The following RBFOX1 variants were observed in gnomAD, a reference collection of about 807,000 sequenced individuals.
RBFOX1 encodes the protein RNA binding protein fox-1 homolog 1.
In RBFOX1, 8 loss-of-function variants were observed where a neutral mutation model predicts 57.7. The ratio of observed to expected loss-of-function variants is 0.14; its 90% CI spans 0.08 to 0.25. RBFOX1 has a LOEUF of 0.25. Ranked by LOEUF, RBFOX1 falls within the 10% of genes least tolerant of loss-of-function variation. RBFOX1 has a pLI of 1.00. For missense variants in RBFOX1, 611 were observed against 548.5 expected (o/e 1.11, Z -1.14); for synonymous variants, 326 against 222.4 (o/e 1.47, Z -4.15).
At chr16:6,808,094 C>T (rs1222360246) in intron 3 of RBFOX1, among the ~76,000 whole-genome samples, 1 of 146,200 alleles carries the variant, frequency 6.8e-6, no homozygotes, top group Non-Finnish European at 1.5e-5. Context: ...CTCAATAGAA[C>T]TAGATATATA....
At chr16:5,879,314 C>G (rs140747325) in intron 4 of RBFOX1, among the ~76,000 whole-genome samples, 13 of 152,172 alleles carry the variant, frequency 8.5e-5, no homozygotes, top group African/African-American at 2.9e-4. Flanking sequence ...CTCCTCAGAT[C>G]GTATTTGGAC....
chr16:5,387,759 C>A (rs141848954), intron 1 of RBFOX1, among the ~76,000 whole-genome samples: 8 of 152,278 alleles, frequency 5.3e-5, no homozygotes, highest in African/African-American at 1.9e-4. Context: ...ATGTTACGTT[C>A]CATGGCAAAG....
At chr16:7,261,793 C>T (rs1415540984) in intron 4 of RBFOX1, among the ~76,000 whole-genome samples, 2 of 152,280 alleles carry the variant, frequency 1.3e-5, no homozygotes, top group South Asian at 2.1e-4. Flanking sequence ...CACTAAGAAT[C>T]CCCTGGAGAG....
intron 1 of RBFOX1, among the ~76,000 whole-genome samples, chr16:6,247,236 C>T (rs1016018189): frequency 1.3e-5 from 2 of 152,156 alleles, no homozygotes; most frequent in African/African-American, 2.4e-5. Context: ...CCTTGTCTCC[C>T]AGGATCTTGC....
intron 1 of RBFOX1, among the ~76,000 whole-genome samples, chr16:6,022,305 G>T (rs1171843374): frequency 6.6e-6 from 1 of 150,780 alleles, no homozygotes; most frequent in African/African-American, 2.4e-5. Context: ...AGAATATTTT[G>T]AAAACACAAG....
chr16:7,040,997 C>T (rs565179704), intron 3 of RBFOX1, among the ~76,000 whole-genome samples: 71 of 151,262 alleles, frequency 4.7e-4, no homozygotes, highest in Non-Finnish European at 9.1e-4. Context: ...CTCATTGCAA[C>T]GTCCACCTCC....
chr16:6,186,107 C>A lies in RBFOX1; in HGVS notation c.-126-130888C>A, dbSNP rs557327765. On this transcript the variant is annotated intron_variant, in intron 1 of 15. Coordinates refer to ENST00000550418, the MANE Select transcript of RBFOX1 (RefSeq NM_018723.4). ...ATATTTTTTTCTGACATGATTATAT[C>A]TGTATATGAATTCATTTTTTTGGCT... Among the ~76,000 whole-genome samples, 152 of 152,222 alleles carry A rather than the reference C, an allele frequency of 1.0e-3. 1 individual carries two copies. The highest frequency in any genetic ancestry group is 1.8e-3 in the Admixed American group (28 of 15,284).
chr16:7,558,145 G>C (rs1462199087), intron 5 of RBFOX1, among the ~76,000 whole-genome samples: 1 of 152,088 alleles, frequency 6.6e-6, no homozygotes, highest in South Asian at 2.1e-4. Context: ...CTGGAACCCA[G>C]GAGTTCAAGA....
At chr16:5,939,045 G>C (rs2059227469) in intron 4 of RBFOX1, among the ~76,000 whole-genome samples, 3 of 151,820 alleles carry the variant, frequency 2.0e-5, no homozygotes, top group Admixed American at 2.0e-4. Flanking sequence ...TGAACAATGA[G>C]AACACTTGGA....
intron 4 of RBFOX1, among the ~76,000 whole-genome samples, chr16:5,988,241 A>G (rs1416702357): frequency 6.6e-6 from 1 of 152,172 alleles, no homozygotes; most frequent in African/African-American, 2.4e-5. Context: ...CCCCTCACTA[A>G]TATCCATGAT....
intron 1 of RBFOX1, among the ~76,000 whole-genome samples, chr16:6,228,981 C>A (rs1051225218): frequency 1.2e-4 from 18 of 151,860 alleles, no homozygotes; most frequent in African/African-American, 4.4e-4. Context: ...AAGTTCTTGG[C>A]GTTTATATTA....
intron 4 of RBFOX1, among the ~76,000 whole-genome samples, chr16:7,279,105 G>A (rs1323465070): frequency 4.1e-5 from 6 of 145,078 alleles, no homozygotes; most frequent in Admixed American, 1.4e-4. Context: ...TTTTTTTAAT[G>A]TACATTTTCT....
chr16:5,578,298 C>T (rs904214781), intron 2 of RBFOX1, among the ~76,000 whole-genome samples: 7 of 152,106 alleles, frequency 4.6e-5, no homozygotes, highest in Admixed American at 2.0e-4. Context: ...CCTCATTCAT[C>T]AGGAGGCACC....
chr16:7,380,884 G>C (rs2097772338), intron 4 of RBFOX1, among the ~76,000 whole-genome samples: 1 of 152,204 alleles, frequency 6.6e-6, no homozygotes, highest in Admixed American at 6.5e-5. Context: ...TGTTTTTCAA[G>C]AATCGCAGGC....
chr16:6,919,915 A>G (rs1026579844), intron 3 of RBFOX1, among the ~76,000 whole-genome samples: 1 of 151,862 alleles, frequency 6.6e-6, no homozygotes, highest in African/African-American at 2.4e-5. Flanking sequence ...CCAGTGTGTC[A>G]TCTTTTATCC....
intron 3 of RBFOX1, among the ~76,000 whole-genome samples, chr16:6,920,791 G>A (rs2074290303): frequency 6.6e-6 from 1 of 152,124 alleles, no homozygotes; most frequent in Non-Finnish European, 1.5e-5. Context: ...CCTCCTCTTA[G>A]GAGAACATCC....
At chr16:6,537,438 C>T (rs2096750468) in intron 2 of RBFOX1, among the ~76,000 whole-genome samples, 1 of 152,174 alleles carries the variant, frequency 6.6e-6, no homozygotes, top group South Asian at 2.1e-4. Context: ...TATTATTTAA[C>T]ACTCACAACA....
intron 2 of RBFOX1, among the ~76,000 whole-genome samples, chr16:5,500,145 C>G (rs1157795067): frequency 4.8e-5 from 7 of 145,568 alleles, no homozygotes; most frequent in African/African-American, 1.6e-4. Context: ...TCCTTCCCTC[C>G]TTCCCTTCCT....
chr16:6,122,820 G>GTGTGTGTGTGTC (rs1281559135), intron 1 of RBFOX1, among the ~76,000 whole-genome samples: 5 of 151,812 alleles, frequency 3.3e-5, no homozygotes, highest in African/African-American at 1.2e-4. Context: ...GTGTGTGTGT[G>GTGTGTGTGTGTC]TGTGTGTGTG....
Sources: allele counts gnomAD v4.1 joint callset (sites outside exome capture counted in the v4.1 genomes callset), GRCh38; gene constraint gnomAD v4.1.1; transcripts MANE v1.5; gene names NCBI Gene and HGNC (gene_info 2026-07-23, HGNC 2026-07-21).